Variants in SUPT3H observed in about 807,000 individuals in gnomAD.
SUPT3H encodes SPT3 homolog, SAGA and STAGA complex component, also known as transcription initiation protein SPT3 homolog.
In SUPT3H, 44 loss-of-function variants were observed where a neutral mutation model predicts 44.3. The ratio of observed to expected loss-of-function variants is 0.99; its 90% CI spans 0.78 to 1.28. SUPT3H has a LOEUF of 1.28. Ranked by LOEUF, SUPT3H falls within the 50% of genes most tolerant of loss-of-function variation. SUPT3H has a pLI of 0.00. For synonymous variants in SUPT3H, 124 were observed against 125.6 expected (o/e 0.99, Z 0.09); for missense variants, 380 against 387.1 (o/e 0.98, Z 0.15).
At chr6:44,978,181 CTATATTA>C (rs1205578135) in intron 6 of SUPT3H, among the ~76,000 whole-genome samples, 2 of 152,030 alleles carry the variant, frequency 1.3e-5, no homozygotes, top group African/African-American at 4.8e-5. Context: ...AGGAATATTG[CTATATTA>C]TATATTTTCA....
intron 6 of SUPT3H, among the ~76,000 whole-genome samples, chr6:44,998,906 T>G (rs963036794): frequency 2.6e-5 from 4 of 152,056 alleles, no homozygotes; most frequent in Admixed American, 2.6e-4. Flanking sequence ...GCTTCTCTTT[T>G]TAACAAAGCT....
At chr6:44,866,553 A>G (rs1053084026) in intron 10 of SUPT3H, among the ~76,000 whole-genome samples, 2 of 151,894 alleles carry the variant, frequency 1.3e-5, no homozygotes, top group Non-Finnish European at 2.9e-5. Flanking sequence ...AAGCTTTACA[A>G]CTGTCTTCTA....
chr6:45,122,310 A>G (rs985152688), intron 2 of SUPT3H, among the ~76,000 whole-genome samples: 1 of 152,186 alleles, frequency 6.6e-6, no homozygotes, highest in Non-Finnish European at 1.5e-5. Context: ...ACAAAAAAAT[A>G]TTGATTCAAT....
chr6:45,154,663 T>C (rs545389835), intron 2 of SUPT3H, among the ~76,000 whole-genome samples: 1 of 152,316 alleles, frequency 6.6e-6, no homozygotes, highest in African/African-American at 2.4e-5. Context: ...CAGGCCATTG[T>C]TCTTCAGGCT....
chr6:45,009,662 G>T lies in SUPT3H; in HGVS notation c.364+5139C>A, dbSNP rs1171753232. Among the ~76,000 whole-genome samples the T allele has an allele frequency of 3.9e-5, 6 of 152,062 alleles. No homozygotes were observed. The East Asian group carries it at 9.7e-4, about 24-fold the overall frequency. ...AACTCTCATTCCATTCCATTTCATT[G>T]ACAAATATGTCTACACTTATGCCAG... On this transcript the variant is annotated intron_variant, in intron 5 of 10. Coordinates refer to ENST00000371459, the MANE Select transcript of SUPT3H (RefSeq NM_003599.4).
chr6:44,933,132 C>T (rs185080561), intron 9 of SUPT3H, among the ~76,000 whole-genome samples: 10 of 152,150 alleles, frequency 6.6e-5, no homozygotes, highest in South Asian at 2.1e-4. Context: ...TTATTATAAA[C>T]GTTTCTTAGG....
chr6:45,091,099 C>T (rs546642283), intron 3 of SUPT3H, among the ~76,000 whole-genome samples: 1 of 151,806 alleles, frequency 6.6e-6, no homozygotes, highest in South Asian at 2.1e-4. Context: ...TACCTTTGTC[C>T]AGTGGTCTAT....
intron 6 of SUPT3H, among the ~76,000 whole-genome samples, chr6:44,979,071 A>G (rs1341356762): frequency 6.6e-6 from 1 of 152,094 alleles, no homozygotes; most frequent in Non-Finnish European, 1.5e-5. Context: ...CTTAAGTAAT[A>G]CTCCTATTGT....
intron 10 of SUPT3H, among the ~76,000 whole-genome samples, chr6:44,924,348 C>T (rs1487396440): frequency 6.6e-6 from 1 of 152,030 alleles, no homozygotes. Context: ...ATATAATATT[C>T]CAACTGTCAT....
intron 1 of SUPT3H, among the ~76,000 whole-genome samples, chr6:45,373,382 T>C (rs1796351696): frequency 2.0e-5 from 3 of 152,084 alleles, no homozygotes; most frequent in African/African-American, 7.2e-5. Flanking sequence ...GTATAACCTA[T>C]TAGGTGGGAA....
intron 10 of SUPT3H, among the ~76,000 whole-genome samples, chr6:44,879,906 C>CA (rs1406654890): frequency 1.3e-5 from 2 of 152,144 alleles, no homozygotes; most frequent in Non-Finnish European, 2.9e-5. Flanking sequence ...GACATCCACT[C>CA]AAAAGCCCCA....
chr6:45,215,288 A>C (rs533278709), intron 2 of SUPT3H, among the ~76,000 whole-genome samples: 1 of 152,340 alleles, frequency 6.6e-6, no homozygotes, highest in East Asian at 1.9e-4. Flanking sequence ...AAACATGAAA[A>C]AGCCAGAAAA....
intron 2 of SUPT3H, among the ~76,000 whole-genome samples, chr6:45,329,954 T>C (rs1787119775): frequency 6.6e-6 from 1 of 151,898 alleles, no homozygotes; most frequent in African/African-American, 2.4e-5. Flanking sequence ...TGCTTTTAAC[T>C]TACAACTAAT....
chr6:45,057,957 C>T (rs1402092438), intron 3 of SUPT3H, among the ~76,000 whole-genome samples: 3 of 152,046 alleles, frequency 2.0e-5, no homozygotes, highest in African/African-American at 7.2e-5. Context: ...ACGGTTACTA[C>T]GTGAAAATGT....
At chr6:45,029,608 C>G (rs930740189) in intron 3 of SUPT3H, among the ~76,000 whole-genome samples, 4 of 152,200 alleles carry the variant, frequency 2.6e-5, no homozygotes, top group Non-Finnish European at 4.4e-5. Context: ...GTTTTGCACA[C>G]AAGCTATTCA....
chr6:44,935,886 T>G (rs1771323294), intron 9 of SUPT3H, among the ~76,000 whole-genome samples: 1 of 152,212 alleles, frequency 6.6e-6, no homozygotes, highest in Non-Finnish European at 1.5e-5. Context: ...TTCTCCCAAC[T>G]TAAAAAAGTT....
At chr6:45,160,513 C>T (rs1178400141) in intron 2 of SUPT3H, among the ~76,000 whole-genome samples, 1 of 151,928 alleles carries the variant, frequency 6.6e-6, no homozygotes, top group Non-Finnish European at 1.5e-5. Context: ...CATAGCAAAA[C>T]CTGAAACTAA....
At chr6:45,129,277 T>C (rs1403818255) in intron 2 of SUPT3H, among the ~76,000 whole-genome samples, 3 of 152,236 alleles carry the variant, frequency 2.0e-5, no homozygotes, top group Admixed American at 6.5e-5. Context: ...AAAAGACAAC[T>C]ATTTACTCAC....
In SUPT3H at chr6:44,828,841, T is replaced by C. The variant is rs2153408429; in HGVS notation, c.*975A>G. 1 of 152,738 alleles carries C rather than the reference T, an allele frequency of 6.5e-6. No individual in the cohort carries two copies. Among genetic ancestry groups the C allele is most frequent in the East Asian group, 1.9e-4 (1 of 5,194 alleles). 9.5% of individuals were successfully genotyped at this position (152,738 alleles called of 1,614,324 possible). A position where few individuals can be genotyped will look rare whatever the true frequency, so the allele number is the denominator to read the frequency against. ...CAAAACTCCCACAGAATTAAAGAAA[T>C]AACTTTCTTTTTTGCAACTGAAGTT... On this transcript the variant is annotated 3_prime_UTR_variant, in exon 11 of 11. Coordinates refer to ENST00000371459, the MANE Select transcript of SUPT3H (RefSeq NM_003599.4).
Sources: allele counts gnomAD v4.1 joint callset (sites outside exome capture counted in the v4.1 genomes callset), GRCh38; gene constraint gnomAD v4.1.1; transcripts MANE v1.5; gene names NCBI Gene and HGNC (gene_info 2026-07-23, HGNC 2026-07-21).